The following PCDHGA9 variants were observed in gnomAD, a reference collection of about 807,000 sequenced individuals.
PCDHGA9 encodes protocadherin gamma subfamily A, 9.
PCDHGA9 carries 37 observed loss-of-function variants against 62.5 expected under a neutral mutation model. That is an observed-to-expected ratio of 0.59 (90% confidence interval 0.46 to 0.78). PCDHGA9 has a LOEUF of 0.78. Among genes scored for constraint, PCDHGA9 ranks in the 30% least tolerant of loss-of-function variants. The pLI is 0.00. For missense variants in PCDHGA9, 1,138 were observed against 1,166.2 expected (o/e 0.98, Z 0.35); for synonymous variants, 459 against 484.6 (o/e 0.95, Z 0.69).
intron 1 of PCDHGA9, chr5:141,427,783 C>T (rs765131117): frequency 1.4e-6 from 2 of 1,460,966 alleles, no homozygotes; most frequent in Non-Finnish European, 1.9e-6. Flanking sequence ...CGGGCACTGT[C>T]GTCCTACGTG....
At chr5:141,434,194 GTACT>G (rs527775432) in intron 1 of PCDHGA9, among the ~76,000 whole-genome samples, 169 of 152,308 alleles carry the variant, frequency 1.1e-3, no homozygotes, top group African/African-American at 3.9e-3. Flanking sequence ...TAATTCCAAT[GTACT>G]TACTTCTGTC....
intron 1 of PCDHGA9, chr5:141,427,539 A>G: frequency 1.6e-6 from 1 of 632,868 alleles, no homozygotes; most frequent in Non-Finnish European, 2.9e-6. Context: ...GTACAACGTC[A>G]CCATCACTGC....
chr5:141,489,641 C>T lies in PCDHGA9; in HGVS notation c.2425-5166C>T, dbSNP rs1356716387. On this transcript the variant is annotated intron_variant, in intron 1 of 3. Coordinates refer to ENST00000573521, the MANE Select transcript of PCDHGA9 (RefSeq NM_018921.3). This position sits in a 1 kb window ranked among gnomAD's most constrained non-coding sequence, Gnocchi z 4.5. The stretch of plus-strand genomic sequence containing the variant: ...CTCAATGACAACTCTCCTAGCTTTG[C>T]CACCCCTGAGCGAGAGATGCGCATC... The T allele has an allele frequency of 2.5e-6, 4 of 1,614,008 alleles. No individual in the cohort carries two copies. The highest frequency in any genetic ancestry group is 3.4e-6 in the Non-Finnish European group (4 of 1,180,012).
At position 141,438,611 on chromosome 5, in the gene PCDHGA9, TATATATATATATATATATATATATACAC is replaced by T. The variant is rs1434670383; in HGVS notation, c.2424+33237_2424+33264del. On this transcript the variant is annotated intron_variant, in intron 1 of 3. Transcript: ENST00000573521. ...ACATACATATATATATATATATATA[TATATATATATATATATATATATATACAC>T]ACACACACACACATATATGTATATA... Among the ~76,000 whole-genome samples the T allele has an allele frequency of 2.7e-3, 107 of 39,370 alleles. 2 individuals are homozygous for T. Among genetic ancestry groups the T allele is most frequent in the Admixed American group, 0.019 (57 of 3,044 alleles). The allele number at this position is 39,370 out of a possible 152,430, so 25.8% of individuals were successfully genotyped here.
chr5:141,471,637 T>G (rs1284100810), intron 1 of PCDHGA9: 1 of 152,198 alleles, frequency 6.6e-6, no homozygotes, highest in Non-Finnish European at 1.5e-5. Context: ...TATGGATTAG[T>G]AATATACTGG....
intron 1 of PCDHGA9, chr5:141,433,160 A>G: frequency 1.9e-6 from 3 of 1,613,848 alleles, no homozygotes; most frequent in Middle Eastern, 1.7e-4. Context: ...GGTATTTTCT[A>G]AAGACAGTCA....
intron 1 of PCDHGA9, among the ~76,000 whole-genome samples, chr5:141,464,094 G>A (rs540562188): frequency 7.4e-4 from 112 of 151,988 alleles, no homozygotes; most frequent in Non-Finnish European, 1.1e-3. Context: ...GTGAAACTCC[G>A]TCTCTACTAA....
chr5:141,458,922 G>A (rs747489537), intron 1 of PCDHGA9, among the ~76,000 whole-genome samples: 2 of 151,918 alleles, frequency 1.3e-5, no homozygotes, highest in East Asian at 1.9e-4. Flanking sequence ...TTGTGGAGAC[G>A]GGGTCTCACT....
rs770468191 is a variant in PCDHGA9, at chr5:141,478,296, A to G, written c.2425-16511A>G. On this transcript the variant is annotated intron_variant, in intron 1 of 3. Coordinates refer to ENST00000573521, the MANE Select transcript of PCDHGA9 (RefSeq NM_018921.3). ...AAGTGGAAGCAGTCTAGAGACCTAT[A>G]CCGAGCCCCGGTGAGCTCACTGTAC... is the stretch of plus-strand genomic sequence containing the variant. The G allele has an allele frequency of 9.3e-6, 15 of 1,613,962 alleles. No individual in the cohort carries two copies. Among genetic ancestry groups the G allele is most frequent in the African/African-American group, 6.7e-5 (5 of 74,930 alleles).
chr5:141,405,032 G>T lies in PCDHGA9; in HGVS notation c.2080G>T (p.Val694Phe), dbSNP rs747720731. Residue 694 changes from valine to phenylalanine, a missense_variant, in exon 1 of 4, where the codon GTT becomes TTT. Coordinates refer to ENST00000573521, the MANE Select transcript of PCDHGA9 (RefSeq NM_018921.3). Reference sequence around the variant, plus strand: ...GGCCTCAGACCTTACCCTCTACCTCGTTGTGGCTGTGGCAGTCGTCTCCTG... The same window carrying T: ...GGCCTCAGACCTTACCCTCTACCTCTTTGTGGCTGTGGCAGTCGTCTCCTG... ...LEASDLTLYL[V>F]VAVAVVSCVF... The T allele has an allele frequency of 1.9e-6, 3 of 1,613,806 alleles. No homozygotes were observed. Among genetic ancestry groups the T allele is most frequent in the Admixed American group, 3.3e-5 (2 of 59,992 alleles).
At chr5:141,420,208 A>G (rs1396340813) in intron 1 of PCDHGA9, 1 of 1,612,970 alleles carries the variant, frequency 6.2e-7, no homozygotes, top group Non-Finnish European at 8.5e-7. Flanking sequence ...ACCTCAACAA[A>G]GATAGCATGC....
At chr5:141,415,818 A>C in intron 1 of PCDHGA9, 11 of 1,325,038 alleles carry the variant, frequency 8.3e-6, no homozygotes, top group Non-Finnish European at 8.7e-6. Flanking sequence ...CCTATATATC[A>C]TAAGGCTTTG....
chr5:141,497,793 G>A (rs2099779480), intron 2 of PCDHGA9, among the ~76,000 whole-genome samples: 1 of 152,180 alleles, frequency 6.6e-6, no homozygotes, highest in Admixed American at 6.5e-5. Flanking sequence ...ACCTGCTTCA[G>A]CTTCCCAAAG....
Position 141,493,435 on chromosome 5 carries a change from G to T in PCDHGA9, c.2425-1372G>T, listed in dbSNP as rs150678406. On this transcript the variant is annotated intron_variant, in intron 1 of 3. Coordinates refer to ENST00000573521, the MANE Select transcript of PCDHGA9 (RefSeq NM_018921.3). The surrounding 1 kb of genome is among the most constrained non-coding windows in gnomAD (Gnocchi z 4.3). ...TGGGATTTTGCTTCTGCTGGGATGG[G>T]GCAAGGGTGGGGTTCCTTCCCTTTT... Among the ~76,000 whole-genome samples the T allele has an allele frequency of 6.6e-5, 10 of 152,294 alleles. No individual in the cohort carries two copies. In the East Asian group the frequency reaches 1.7e-3, roughly 26 times the overall value.
In PCDHGA9 at chr5:141,403,655, A is replaced by T. The variant is rs1262068795; in HGVS notation, c.703A>T (p.Thr235Ser). The change falls in exon 1 of 4, where the codon ACA (threonine) becomes TCA (serine). Residue 235 changes from threonine (T) to serine (S), a missense_variant. Transcript: ENST00000573521. ...GCGCATCCATGTGACAGTGTTGGAT[A>T]CAAATGATAATGCCCCGGTTTTTGC... The part of the protein sequence containing the change: ...TVRIHVTVLD[T>S]NDNAPVFAQR... 6 of 1,613,798 alleles carry T rather than the reference A, an allele frequency of 3.7e-6. No homozygotes were observed. Among genetic ancestry groups the T allele is most frequent in the Non-Finnish European group, 4.2e-6 (5 of 1,179,906 alleles).
At chr5:141,430,853 C>G (rs769009864) in intron 1 of PCDHGA9, 2 of 1,587,214 alleles carry the variant, frequency 1.3e-6, no homozygotes, top group Non-Finnish European at 1.7e-6. Flanking sequence ...CACCCAGATA[C>G]GCTATTCAGT....
intron 1 of PCDHGA9, among the ~76,000 whole-genome samples, chr5:141,466,351 A>G (rs897901821): frequency 6.6e-6 from 1 of 152,050 alleles, no homozygotes; most frequent in African/African-American, 2.4e-5. Context: ...TTTTGCAGCT[A>G]ATCTAGATGT....
chr5:141,490,004 C>A lies in PCDHGA9; in HGVS notation c.2425-4803C>A. The A allele has an allele frequency of 6.2e-7, 1 of 1,614,174 alleles. No homozygotes were observed. The highest frequency in any genetic ancestry group is 1.7e-5 in the Admixed American group (1 of 60,034). On this transcript the variant is annotated intron_variant, in intron 1 of 3. Transcript: ENST00000573521. The surrounding 1 kb of genome is among the most constrained non-coding windows in gnomAD (Gnocchi z 5.4). ...CTACGTGTGGGAATCCCAGAGAATGCACCCATTGGTACTCTGCTGCTCCGC... is the reference window on the plus strand; with the variant it reads ...CTACGTGTGGGAATCCCAGAGAATGAACCCATTGGTACTCTGCTGCTCCGC...
chr5:141,491,908 G>A lies in PCDHGA9; in HGVS notation c.2425-2899G>A. ...GGGGCTCCGAGCACCGGGGGTGGTG[G>A]CGACTGTGGGCGAGGGGAGGTGGGA... On this transcript the variant is annotated intron_variant, in intron 1 of 3. Transcript: ENST00000573521. The surrounding 1 kb of genome is among the most constrained non-coding windows in gnomAD (Gnocchi z 6.9). The A allele has an allele frequency of 7.1e-7, 1 of 1,408,288 alleles. No individual in the cohort carries two copies. Among genetic ancestry groups the A allele is most frequent in the East Asian group, 2.5e-5 (1 of 39,276 alleles). The allele number at this position is 1,408,288 out of a possible 1,614,324, so 87.2% of individuals were successfully genotyped here. A position where few individuals can be genotyped will look rare whatever the true frequency, so the allele number is the denominator to read the frequency against.
Sources: gnomAD v4.1 joint callset for allele counts (sites outside exome capture counted in the v4.1 genomes callset) on GRCh38, gnomAD v4.1.1 for gene constraint, Gnocchi (gnomAD v3.1) non-coding constraint, MANE v1.5 for transcripts, NCBI Gene and HGNC (gene_info 2026-07-23, HGNC 2026-07-21) for gene names.